SYCP1: variants seen among roughly 807,000 people sequenced by gnomAD.
SYCP1 encodes cancer/testis antigen 8.
Under a neutral mutation model 153.1 loss-of-function variants are expected in SYCP1, and 64 were observed. That is an observed-to-expected ratio of 0.42 (90% confidence interval 0.34 to 0.51). The LOEUF (loss-of-function observed/expected upper bound fraction) is 0.51, where lower values mean the gene tolerates loss of function less well. SYCP1 is among the 20% of genes least tolerant of loss of function. The probability of loss-of-function intolerance (pLI) is 0.06; values close to 1 mark genes in which losing one functional copy is unlikely to be tolerated. For synonymous variants in SYCP1, 384 were observed against 341.8 expected (o/e 1.12, Z -1.36); for missense variants, 997 against 1,049.0 (o/e 0.95, Z 0.68).
chr1:114,912,003 G>A (rs1668214657), intron 18 of SYCP1, among the ~76,000 whole-genome samples: 1 of 151,926 alleles, frequency 6.6e-6, no homozygotes, highest in African/African-American at 2.4e-5. Flanking sequence ...GTTTAATTTG[G>A]AGAGAAAGCG....
At chr1:114,976,852 C>T (rs1484027917) in intron 27 of SYCP1, among the ~76,000 whole-genome samples, 1 of 151,744 alleles carries the variant, frequency 6.6e-6, no homozygotes, top group Non-Finnish European at 1.5e-5. Context: ...AGGATAGATA[C>T]TGGCATAGAC....
In SYCP1 at chr1:114,944,285, T is replaced by G. The variant is rs1670553621; in HGVS notation, c.1927-54T>G. The G allele has an allele frequency of 1.5e-5, 15 of 1,020,118 alleles. No homozygotes were observed. The Admixed American group carries it at 3.4e-4, about 23-fold the overall frequency. The allele number at this position is 1,020,118 out of a possible 1,614,324, so 63.2% of individuals were successfully genotyped here. ...AACCACAAAATGAATATGGAATGTT[T>G]TCAAGTAATCCATAGCATTTACTAA... On this transcript the variant is annotated intron_variant, in intron 23 of 31. Transcript: ENST00000369522.
At chr1:114,941,264 T>A (rs543489448) in intron 23 of SYCP1, among the ~76,000 whole-genome samples, 2 of 152,332 alleles carry the variant, frequency 1.3e-5, no homozygotes, top group Admixed American at 1.3e-4. Flanking sequence ...TTCAACTGTA[T>A]ACTTAATATG....
At chr1:114,994,648 A>G (rs756791271) in intron 30 of SYCP1, 50 bp from the exon 31 acceptor site, 1 of 1,352,950 alleles carries the variant, frequency 7.4e-7, no homozygotes, top group Non-Finnish European at 1.0e-6. Context: ...TTAATAATAT[A>G]ATATTAATGA....
At chr1:114,993,242 T>G (rs1674045063) in intron 30 of SYCP1, among the ~76,000 whole-genome samples, 1 of 151,580 alleles carries the variant, frequency 6.6e-6, no homozygotes, top group Non-Finnish European at 1.5e-5. Context: ...TGAGTATATC[T>G]GCAAAGGTAG....
At chr1:114,874,668 T>C in intron 9 of SYCP1, 104 bp downstream of exon 9, 1 of 665,694 alleles carries the variant, frequency 1.5e-6, no homozygotes, top group Non-Finnish European at 2.5e-6. Flanking sequence ...AAAAGATTAT[T>C]ATTTATTTGT....
intron 18 of SYCP1, among the ~76,000 whole-genome samples, 169 bp from the exon 19 acceptor site, chr1:114,912,864 T>C (rs981829115): frequency 6.6e-6 from 1 of 152,010 alleles, no homozygotes; most frequent in African/African-American, 2.4e-5. Context: ...AATAATGTAA[T>C]GATCAACCTA....
intron 15 of SYCP1, among the ~76,000 whole-genome samples, chr1:114,888,195 A>G (rs1333836667): frequency 6.6e-6 from 1 of 152,072 alleles, no homozygotes; most frequent in Non-Finnish European, 1.5e-5. Context: ...ATTTATGGCC[A>G]TGTAATTCGA....
chr1:114,925,934 A>C (rs932354106), intron 21 of SYCP1, among the ~76,000 whole-genome samples: 2 of 152,108 alleles, frequency 1.3e-5, no homozygotes, highest in Non-Finnish European at 2.9e-5. Context: ...CATGCTAGTT[A>C]ACATATTCAT....
At chr1:114,857,136 CAAAAAAAAAAAAAAAAAAAAAGAGA>C (rs1465037055) in intron 3 of SYCP1, 71 bp from the exon 4 acceptor site, 11 of 245,208 alleles carry the variant, frequency 4.5e-5, no homozygotes, top group African/African-American at 4.2e-4. Context: ...CTCTCTCTCT[CAAAAAAAAAAAAAAAAAAAAAGAGA>C]AAAAAGAAAA....
chr1:114,914,329 T>C (rs1417597268), intron 20 of SYCP1, among the ~76,000 whole-genome samples: 5 of 151,844 alleles, frequency 3.3e-5, no homozygotes, highest in Non-Finnish European at 1.5e-5. Context: ...TCACATTTAA[T>C]AAAATATAGA....
chr1:114,919,485 T>C (rs1234229956), intron 20 of SYCP1, among the ~76,000 whole-genome samples: 1 of 152,060 alleles, frequency 6.6e-6, no homozygotes, highest in Non-Finnish European at 1.5e-5. Context: ...TGTCTTTATT[T>C]GGCTTTGGTA....
intron 15 of SYCP1, among the ~76,000 whole-genome samples, chr1:114,889,595 G>A (rs565384364): frequency 6.6e-6 from 1 of 152,242 alleles, no homozygotes; most frequent in South Asian, 2.1e-4. Context: ...GTAGATTCTG[G>A]ATATTAGCCC....
intron 30 of SYCP1, among the ~76,000 whole-genome samples, chr1:114,993,550 A>G (rs1420731979): frequency 6.6e-6 from 1 of 151,492 alleles, no homozygotes; most frequent in African/African-American, 2.4e-5. Context: ...AATGGGGATA[A>G]TGGTATACCT....
At chr1:114,964,132 G>T (rs185830985) in intron 27 of SYCP1, among the ~76,000 whole-genome samples, 126 of 152,274 alleles carry the variant, frequency 8.3e-4, no homozygotes, top group African/African-American at 2.8e-3. Flanking sequence ...CAGTGATGAT[G>T]AGCTTTTTTT....
At chr1:114,943,281 G>A (rs1670500468) in intron 23 of SYCP1, among the ~76,000 whole-genome samples, 2 of 151,884 alleles carry the variant, frequency 1.3e-5, no homozygotes, top group South Asian at 4.1e-4. Context: ...ATTTGCACCA[G>A]GAGGTGTTTA....
At chr1:114,892,836 G>A (rs1181349456) in intron 15 of SYCP1, among the ~76,000 whole-genome samples, 1 of 151,974 alleles carries the variant, frequency 6.6e-6, no homozygotes, top group East Asian at 1.9e-4. Context: ...CAGGGATATG[G>A]AGATGCGGGG....
chr1:114,952,652 A>G (rs1259199529), intron 27 of SYCP1, among the ~76,000 whole-genome samples: 1 of 152,152 alleles, frequency 6.6e-6, no homozygotes, highest in Admixed American at 6.5e-5. Flanking sequence ...CACTGTCACG[A>G]GAACAGCAGC....
Position 114,875,174 on chromosome 1 carries a change from ATGTG to A in SYCP1, c.657+636_657+639del, listed in dbSNP as rs60673306. Reference sequence around the variant, plus strand: ...TAAAGCTGCATGGCATGTATTTGATATGTGTGTGTGTGTGTGTGTGTGTGTGTGT... The same window carrying A: ...TAAAGCTGCATGGCATGTATTTGATATGTGTGTGTGTGTGTGTGTGTGTGT... On this transcript the variant is annotated intron_variant, in intron 9 of 31. Transcript: ENST00000369522. Among the ~76,000 whole-genome samples the A allele has an allele frequency of 6.5e-3, 907 of 139,584 alleles. 6 individuals are homozygous for A. The highest frequency in any genetic ancestry group is 0.019 in the African/African-American group (736 of 37,920). 91.6% of individuals were successfully genotyped at this position (139,584 alleles called of 152,430 possible).
Sources: allele counts gnomAD v4.1 joint callset (sites outside exome capture counted in the v4.1 genomes callset), GRCh38; gene constraint gnomAD v4.1.1; transcripts MANE v1.5; gene names NCBI Gene and HGNC (gene_info 2026-07-23, HGNC 2026-07-21).